Variants in LGR5 observed in about 807,000 individuals in gnomAD.
LGR5 encodes the protein leucine-rich repeat-containing G protein-coupled receptor 5.
LGR5 carries 54 observed loss-of-function variants against 76.7 expected under a neutral mutation model. That is an observed-to-expected ratio of 0.70 (90% confidence interval 0.57 to 0.88). The LOEUF is 0.88. Among genes scored for constraint, LGR5 ranks in the 40% least tolerant of loss-of-function variants. The probability of loss-of-function intolerance (pLI) is 0.00; values close to 1 mark genes in which losing one functional copy is unlikely to be tolerated. For missense variants in LGR5, 1,078 were observed against 1,073.3 expected (o/e 1.00, Z -0.06); for synonymous variants, 406 against 421.9 (o/e 0.96, Z 0.46).
intron 1 of LGR5, among the ~76,000 whole-genome samples, chr12:71,464,726 A>G (rs1592463100): frequency 1.3e-5 from 2 of 152,204 alleles, no homozygotes; most frequent in East Asian, 1.9e-4. Context: ...TACATTCAAT[A>G]TCATAATTGC....
chr12:71,499,162 AG>A (rs1874477380), intron 1 of LGR5, among the ~76,000 whole-genome samples: 1 of 152,216 alleles, frequency 6.6e-6, no homozygotes, highest in African/African-American at 2.4e-5. Context: ...AACAAAAGAC[AG>A]GGGCTAGGGA....
Position 71,549,590 on chromosome 12 carries a change from C to G in LGR5, c.429-3483C>G, listed in dbSNP as rs181454764. Among the ~76,000 whole-genome samples the G allele has an allele frequency of 7.7e-4, 117 of 152,152 alleles. 1 individual carries two copies. Among genetic ancestry groups the G allele is most frequent in the African/African-American group, 2.7e-3 (111 of 41,492 alleles). ...TGCAATTTTTATTTGTCAATTATTC[C>G]TTAACAAAGCTGGAGGAGGAAATTA... On this transcript the variant is annotated intron_variant, in intron 4 of 17. Coordinates refer to ENST00000266674, the MANE Select transcript of LGR5 (RefSeq NM_003667.4).
At chr12:71,448,785 A>G (rs1872129350) in intron 1 of LGR5, 1 of 152,254 alleles carries the variant, frequency 6.6e-6, no homozygotes, top group African/African-American at 2.4e-5. Context: ...GTATTTGTTG[A>G]GTGAATCTAC....
intron 1 of LGR5, among the ~76,000 whole-genome samples, chr12:71,500,524 A>G (rs567389390): frequency 6.6e-5 from 10 of 152,052 alleles, no homozygotes; most frequent in African/African-American, 2.4e-4. Flanking sequence ...TGCAGCCTCA[A>G]CCTCCCAGGC....
chr12:71,569,009 A>C (rs753566323), intron 11 of LGR5, among the ~76,000 whole-genome samples: 1 of 152,220 alleles, frequency 6.6e-6, no homozygotes, highest in Non-Finnish European at 1.5e-5. Flanking sequence ...AGATAATTCA[A>C]GTAAAGCTAT....
chr12:71,570,246 A>G (rs1224255300), intron 11 of LGR5, among the ~76,000 whole-genome samples: 8 of 152,172 alleles, frequency 5.3e-5, no homozygotes. Context: ...GGTGCAGTAG[A>G]CCACCATGGC....
intron 1 of LGR5, among the ~76,000 whole-genome samples, chr12:71,494,237 C>T (rs866503273): frequency 2.7e-5 from 4 of 150,766 alleles, no homozygotes; most frequent in Admixed American, 1.3e-4. Flanking sequence ...TGAGCCACTG[C>T]GCCCGGCCTT....
intron 1 of LGR5, among the ~76,000 whole-genome samples, chr12:71,443,953 A>G (rs150526466): frequency 2.0e-5 from 3 of 152,130 alleles, no homozygotes; most frequent in African/African-American, 7.2e-5. Flanking sequence ...TTACTTTTTC[A>G]TATGTAACTT....
chr12:71,501,804 A>T (rs117736290), intron 1 of LGR5, among the ~76,000 whole-genome samples: 4,081 of 152,336 alleles, frequency 0.027, 65 homozygotes, highest in Admixed American at 0.042. Context: ...ACAGCAAATT[A>T]GAAATTTAAA....
In LGR5 at chr12:71,457,741, T is replaced by G. The variant is rs1033781938; in HGVS notation, c.212+17449T>G. ...CATGTAAAAAGGTGCAATTATTGTCTGGTCCTAAAGCATTGTTGGTTTTTC... is the reference window on the plus strand; with the variant it reads ...CATGTAAAAAGGTGCAATTATTGTCGGGTCCTAAAGCATTGTTGGTTTTTC... On this transcript the variant is annotated intron_variant, in intron 1 of 17. Coordinates refer to ENST00000266674, the MANE Select transcript of LGR5 (RefSeq NM_003667.4). Among the ~76,000 whole-genome samples the G allele has an allele frequency of 7.2e-5, 11 of 152,294 alleles. No individual in the cohort carries two copies. The South Asian group carries it at 1.5e-3, about 20-fold the overall frequency.
Position 71,514,286 on chromosome 12 carries a change from G to GGGCA in LGR5, c.284+9604_284+9607dup, listed in dbSNP as rs569207091. 8.7e-3 allele frequency among the ~76,000 whole-genome samples: 1,322 copies of GGGCA among 152,154 alleles called. 18 individuals carry two copies. The highest frequency in any genetic ancestry group is 0.03 in the African/African-American group (1,240 of 41,524). ...CTTAGTCTGGTTAAAGAAACCACAGGGGCAGGGCACGGTGGCTCACGCCTG... is the reference window on the plus strand; with the variant it reads ...CTTAGTCTGGTTAAAGAAACCACAGGGGCAGGCAGGGCACGGTGGCTCACGCCTG... On this transcript the variant is annotated intron_variant, in intron 2 of 17. Transcript: ENST00000266674.
At chr12:71,574,734 A>G (rs1287835032) in intron 13 of LGR5, among the ~76,000 whole-genome samples, 1 of 152,132 alleles carries the variant, frequency 6.6e-6, no homozygotes, top group Non-Finnish European at 1.5e-5. Flanking sequence ...CACACGAGCC[A>G]GTGTTTCTCC....
Position 71,535,169 on chromosome 12 carries a change from G to A in LGR5, c.411G>A (p.Leu137=). Residue 137 remains leucine (L), a synonymous_variant, in exon 4 of 18, where the codon TTG becomes TTA. Transcript: ENST00000266674. ...TACCCACAGAAGCTCTGCAGAATTT[G>A]CGAAGCCTTCAATCCCTGTAAGTAT... The part of the protein sequence containing the change: ...RHVPTEALQN[L]RSLQSLRLDA... 1 of 1,609,604 alleles carries A rather than the reference G, an allele frequency of 6.2e-7. No individual in the cohort carries two copies. The highest frequency in any genetic ancestry group is 8.5e-7 in the Non-Finnish European group (1 of 1,176,366).
chr12:71,579,897 A>G (rs1467501617), intron 15 of LGR5, among the ~76,000 whole-genome samples: 2 of 152,182 alleles, frequency 1.3e-5, no homozygotes, highest in East Asian at 3.8e-4. Context: ...TGCATTTTTT[A>G]TTGTTAGACT....
intron 3 of LGR5, among the ~76,000 whole-genome samples, chr12:71,529,230 T>C (rs1281753870): frequency 6.6e-6 from 1 of 152,202 alleles, no homozygotes; most frequent in Non-Finnish European, 1.5e-5. Flanking sequence ...TACCTGAGAC[T>C]GGGTAATTTA....
At chr12:71,467,172 G>A (rs933153851) in intron 1 of LGR5, among the ~76,000 whole-genome samples, 1 of 152,168 alleles carries the variant, frequency 6.6e-6, no homozygotes, top group Non-Finnish European at 1.5e-5. Context: ...CCAATAAATA[G>A]TGGAGTGAGG....
At chr12:71,476,183 C>A (rs1873327590) in intron 1 of LGR5, among the ~76,000 whole-genome samples, 1 of 152,186 alleles carries the variant, frequency 6.6e-6, no homozygotes, top group South Asian at 2.1e-4. Context: ...CGTCTGAATA[C>A]CAACCTGACC....
Position 71,439,893 on chromosome 12 carries a change from G to T in LGR5, c.-188G>T, listed in dbSNP as rs115714167. 1.8e-6 allele frequency: 1 copy of T among 551,498 alleles called. No homozygotes were observed. Among genetic ancestry groups the T allele is most frequent in the Non-Finnish European group, 3.1e-6 (1 of 320,622 alleles). The allele number at this position is 551,498 out of a possible 1,614,324, so 34.2% of individuals were successfully genotyped here. The stretch of plus-strand genomic sequence containing the variant: ...TCCGAAGGCCGGCGTGGCGGCAACC[G>T]GCACCTCTGTCCCCGCCGCGCTTCT... On this transcript the variant is annotated 5_prime_UTR_variant, in exon 1 of 18. Transcript: ENST00000266674.
chr12:71,553,363 T>C, intron 5 of LGR5, 75 bp downstream of exon 5: 1 of 1,237,610 alleles, frequency 8.1e-7, no homozygotes, highest in East Asian at 2.3e-5. Context: ...AAATGCTGGC[T>C]CTTCAAAGCT....
Sources: gnomAD v4.1 joint callset for allele counts (sites outside exome capture counted in the v4.1 genomes callset) on GRCh38, gnomAD v4.1.1 for gene constraint, MANE v1.5 for transcripts, NCBI Gene and HGNC (gene_info 2026-07-23, HGNC 2026-07-21) for gene names.